The following IL1RN variants were observed in gnomAD, a reference collection of about 807,000 sequenced individuals.
IL1RN encodes interleukin 1 receptor antagonist.
In IL1RN, 10 loss-of-function variants were observed where a neutral mutation model predicts 13.7. The ratio of observed to expected loss-of-function variants is 0.73; its 90% confidence interval spans 0.45 to 1.24. The LOEUF (loss-of-function observed/expected upper bound fraction) is 1.24, where lower values mean the gene tolerates loss of function less well. IL1RN is among the 50% of genes most tolerant of loss of function. IL1RN has a pLI of 0.00. For missense variants in IL1RN, 213 were observed against 222.1 expected (o/e 0.96, Z 0.26); for synonymous variants, 102 against 82.7 (o/e 1.23, Z -1.27).
intron 2 of IL1RN, among the ~76,000 whole-genome samples, chr2:113,130,317 T>C (rs899211971): frequency 1.3e-5 from 2 of 152,236 alleles, no homozygotes; most frequent in Non-Finnish European, 2.9e-5. Flanking sequence ...GCTCTGAAAG[T>C]GGATGAGACC....
At position 113,133,207 on chromosome 2, in the gene IL1RN, C is replaced by T. The variant is rs55705616; in HGVS notation, c.*336C>T. 4.6e-5 allele frequency: 19 copies of T among 415,870 alleles called. No homozygotes were observed. Among genetic ancestry groups the T allele is most frequent in the Admixed American group, 7.2e-5 (2 of 27,922 alleles). 25.8% of individuals were successfully genotyped at this position (415,870 alleles called of 1,614,324 possible). ...GCCACTGCCTCTTCCTCCCTCATTC[C>T]ACCTTCCCATGCCCTGGATCCATCA... is the stretch of plus-strand genomic sequence containing the variant. On this transcript the variant is annotated 3_prime_UTR_variant, in exon 4 of 4. Transcript: ENST00000409930.
At chr2:113,131,773 C>A (rs1687180067) in intron 3 of IL1RN, among the ~76,000 whole-genome samples, 2 of 152,164 alleles carry the variant, frequency 1.3e-5, no homozygotes, top group South Asian at 4.1e-4. Context: ...GAGCCCTGTG[C>A]TCCTTTATCT....
At chr2:113,127,814 G>GC in intron 1 of IL1RN, 74 bp downstream of exon 1, 1 of 1,495,596 alleles carries the variant, frequency 6.7e-7, no homozygotes, top group Non-Finnish European at 9.2e-7. Flanking sequence ...GCTGCCAGGG[G>GC]CTGCCAGGCC....
upstream of IL1RN, among the ~76,000 whole-genome samples, chr2:113,105,695 C>A (rs1686376216): frequency 6.6e-6 from 1 of 152,176 alleles, no homozygotes; most frequent in African/African-American, 2.4e-5. Flanking sequence ...TGTTTACTAC[C>A]CCATATTCAA....
chr2:113,119,550 T>C (rs1686697500), intron 1 of IL1RN, among the ~76,000 whole-genome samples: 1 of 152,190 alleles, frequency 6.6e-6, no homozygotes, highest in South Asian at 2.1e-4. Context: ...GTGGGTACAA[T>C]GGTCCCTGGT....
chr2:113,111,170 T>G (rs767021994), exon 1 of IL1RN: 12 of 152,246 alleles, frequency 7.9e-5, no homozygotes, highest in Non-Finnish European at 1.6e-4. Context: ...TGAATTGATC[T>G]TGGCAGCAAT....
chr2:113,099,940 T>C, the IL1RN span, among the ~76,000 whole-genome samples: 1 of 141,206 alleles, frequency 7.1e-6, no homozygotes, highest in Non-Finnish European at 1.6e-5. Context: ...TTCACCGTGT[T>C]AGCCAGGATG....
upstream of IL1RN, among the ~76,000 whole-genome samples, chr2:113,116,386 CA>C (rs952373374): frequency 6.6e-6 from 1 of 152,132 alleles, no homozygotes. Flanking sequence ...CGAAAATTTC[CA>C]GCCAAACCTT....
upstream of IL1RN, among the ~76,000 whole-genome samples, chr2:113,122,694 A>G (rs1219288397): frequency 1.3e-5 from 2 of 152,224 alleles, no homozygotes; most frequent in Non-Finnish European, 2.9e-5. Flanking sequence ...TTTTTAAAAG[A>G]TAAGTTTCCA....
At chr2:113,103,789 A>G (rs1387678739), upstream of IL1RN, among the ~76,000 whole-genome samples, 2 of 152,144 alleles carry the variant, frequency 1.3e-5, no homozygotes, top group East Asian at 3.9e-4. Flanking sequence ...TGGGAAGGTG[A>G]TGGATTCTGT....
upstream of IL1RN, among the ~76,000 whole-genome samples, chr2:113,117,152 C>G (rs942078752): frequency 6.6e-6 from 1 of 152,234 alleles, no homozygotes; most frequent in Admixed American, 6.5e-5. Flanking sequence ...TTCAGAACAT[C>G]AGGTGCTTCT....
At chr2:113,128,320 A>C (rs1281212459) in intron 1 of IL1RN, among the ~76,000 whole-genome samples, 1 of 152,238 alleles carries the variant, frequency 6.6e-6, no homozygotes, top group Admixed American at 6.5e-5. Flanking sequence ...GCTTTGTGAG[A>C]CCATCACTAT....
chr2:113,106,804 A>C (rs1686393329), upstream of IL1RN, among the ~76,000 whole-genome samples: 1 of 152,224 alleles, frequency 6.6e-6, no homozygotes, highest in Non-Finnish European at 1.5e-5. Context: ...TCAGAATTTA[A>C]TATAACTATG....
intron 1 of IL1RN, among the ~76,000 whole-genome samples, chr2:113,118,801 C>T (rs1423459212): frequency 6.6e-6 from 1 of 152,106 alleles, no homozygotes; most frequent in Non-Finnish European, 1.5e-5. Flanking sequence ...TTTTGGGAGG[C>T]CAAGGTGGGT....
chr2:113,130,272 C>T lies in IL1RN; in HGVS notation c.205+608C>T, dbSNP rs528274121. On this transcript the variant is annotated intron_variant, in intron 2 of 3. Coordinates refer to ENST00000409930, the MANE Select transcript of IL1RN (RefSeq NM_173842.3). ...GGATGGTATTACCTCCACCTTCCCA[C>T]CTTCCCTATGCCCTGGTTCTGTCTC... 8.5e-5 allele frequency among the ~76,000 whole-genome samples: 13 copies of T among 152,352 alleles called. 1 individual carries two copies. The highest frequency in any genetic ancestry group is 2.6e-4 in the African/African-American group (11 of 41,580).
chr2:113,104,945 A>G (rs1686365686), upstream of IL1RN, among the ~76,000 whole-genome samples: 1 of 152,154 alleles, frequency 6.6e-6, no homozygotes, highest in Non-Finnish European at 1.5e-5. Context: ...ATTTTGAGAA[A>G]CTCCCAGTCC....
chr2:113,101,352 T>C, the IL1RN span, among the ~76,000 whole-genome samples: 1 of 152,218 alleles, frequency 6.6e-6, no homozygotes, highest in Admixed American at 6.5e-5. Flanking sequence ...CTGATGTGAT[T>C]ACAGCTGTGA....
chr2:113,122,771 C>T (rs1239888216), upstream of IL1RN, among the ~76,000 whole-genome samples: 2 of 152,198 alleles, frequency 1.3e-5, no homozygotes, highest in African/African-American at 4.8e-5. Context: ...AATCACTTTT[C>T]CTACCCCTAC....
Position 113,131,239 on chromosome 2 carries a change from G to A in IL1RN, c.318+82G>A, listed in dbSNP as rs532747334. The A allele has an allele frequency of 1.6e-4, 140 of 849,150 alleles. 3 individuals carry two copies. In the South Asian group the frequency reaches 1.8e-3, roughly 11 times the overall value. 52.6% of individuals were successfully genotyped at this position (849,150 alleles called of 1,614,324 possible). A position where few individuals can be genotyped will look rare whatever the true frequency, so the allele number is the denominator to read the frequency against. ...AAAATTTTTTCTTATGATTCTGTGG[G>A]TTGACCAGGATTAGCTGGGTAGTTC... On this transcript the variant is annotated intron_variant, in intron 3 of 3. Transcript: ENST00000409930.
Sources: gnomAD v4.1 joint callset for allele counts (sites outside exome capture counted in the v4.1 genomes callset) on GRCh38, gnomAD v4.1.1 for gene constraint, MANE v1.5 for transcripts, NCBI Gene and HGNC (gene_info 2026-07-23, HGNC 2026-07-21) for gene names.